DPYD: variants seen among roughly 807,000 people sequenced by gnomAD.
DPYD encodes dihydropyrimidine dehydrogenase, also known as dihydropyrimidine dehydrogenase [NADP(+)].
A neutral mutation model predicts 116.2 loss-of-function variants in DPYD; 109 were observed. That is an observed-to-expected ratio of 0.94 (90% CI 0.80 to 1.10). DPYD has a LOEUF of 1.10. Ranked by LOEUF, DPYD falls within the 50% of genes least tolerant of loss-of-function variation. DPYD has a pLI of 0.00. For missense variants in DPYD, 1,302 were observed against 1,254.5 expected (o/e 1.04, Z -0.57); for synonymous variants, 440 against 432.0 (o/e 1.02, Z -0.23).
chr1:97,691,195 A>G (rs1160002471), intron 7 of DPYD: 3 of 153,084 alleles, frequency 2.0e-5, no homozygotes, highest in Non-Finnish European at 4.4e-5. Flanking sequence ...CTCGAAAAGA[A>G]TAACACAATA....
At chr1:97,336,995 A>T (rs1351172842) in intron 16 of DPYD, among the ~76,000 whole-genome samples, 4 of 152,152 alleles carry the variant, frequency 2.6e-5, no homozygotes, top group African/African-American at 4.8e-5. Context: ...GTGACTGGTG[A>T]CACTTCTGAT....
chr1:97,096,799 G>A lies in DPYD; in HGVS notation c.2766+1690C>T, dbSNP rs539258337. Among the ~76,000 whole-genome samples the A allele has an allele frequency of 2.0e-5, 3 of 152,236 alleles. No individual in the cohort carries two copies. The East Asian group carries it at 5.8e-4, about 29-fold the overall frequency. ...AAGCTGGCCACCCCAACCAGCAGTG[G>A]CAACCTGCTGGGGTCCCTTTCCATG... is the stretch of plus-strand genomic sequence containing the variant. On this transcript the variant is annotated intron_variant, in intron 21 of 22. Transcript: ENST00000370192.
intron 18 of DPYD, among the ~76,000 whole-genome samples, chr1:97,302,233 G>A (rs1011862016): frequency 1.3e-5 from 2 of 151,954 alleles, no homozygotes; most frequent in East Asian, 3.9e-4. Flanking sequence ...AGAATCAATG[G>A]TTTAGACAGA....
At chr1:97,212,223 C>A (rs1028304959) in intron 19 of DPYD, among the ~76,000 whole-genome samples, 2 of 152,126 alleles carry the variant, frequency 1.3e-5, no homozygotes, top group African/African-American at 4.8e-5. Flanking sequence ...AGCCACTGTT[C>A]ACCACCTCCC....
chr1:97,700,006 T>C (rs1216572116), intron 5 of DPYD, among the ~76,000 whole-genome samples: 1 of 152,084 alleles, frequency 6.6e-6, no homozygotes, highest in African/African-American at 2.4e-5. Flanking sequence ...ATAAATAATT[T>C]CTTGAATTCT....
At chr1:97,574,045 T>G (rs1653098772) in intron 10 of DPYD, 75 bp from the exon 11 acceptor site, 1 of 1,570,926 alleles carries the variant, frequency 6.4e-7, no homozygotes, top group South Asian at 1.2e-5. Flanking sequence ...CTAATTGAAT[T>G]ACACATGCTA....
chr1:97,222,950 A>T (rs1660871492), intron 19 of DPYD, among the ~76,000 whole-genome samples: 1 of 152,070 alleles, frequency 6.6e-6, no homozygotes, highest in Admixed American at 6.6e-5. Context: ...GAAGTTATTG[A>T]ATAAATATTT....
intron 20 of DPYD, among the ~76,000 whole-genome samples, chr1:97,126,613 C>T (rs891387195): frequency 1.5e-4 from 23 of 152,264 alleles, no homozygotes; most frequent in African/African-American, 5.5e-4. Flanking sequence ...TCACTTCTAT[C>T]ACATCTGAGA....
chr1:97,244,997 T>C (rs551482429), intron 18 of DPYD, among the ~76,000 whole-genome samples: 61 of 152,236 alleles, frequency 4.0e-4, no homozygotes, highest in Middle Eastern at 3.4e-3. Context: ...ATTTTTAAGC[T>C]GGTGTCCACT....
intron 13 of DPYD, among the ~76,000 whole-genome samples, chr1:97,463,094 T>C (rs1286520197): frequency 6.6e-6 from 1 of 152,206 alleles, no homozygotes; most frequent in Non-Finnish European, 1.5e-5. Context: ...ACCAAACCAA[T>C]GTATATCTTG....
At chr1:97,565,179 C>A (rs1415577319) in intron 11 of DPYD, among the ~76,000 whole-genome samples, 1 of 152,038 alleles carries the variant, frequency 6.6e-6, no homozygotes, top group East Asian at 1.9e-4. Flanking sequence ...GAATAACCAC[C>A]TAATTCAGGT....
intron 15 of DPYD, among the ~76,000 whole-genome samples, chr1:97,381,592 T>C (rs943683365): frequency 6.6e-6 from 1 of 152,196 alleles, no homozygotes; most frequent in African/African-American, 2.4e-5. Flanking sequence ...TTTTAAAATA[T>C]CCAAATAAAA....
chr1:97,528,223 T>C (rs550247903), intron 12 of DPYD, among the ~76,000 whole-genome samples: 1 of 152,282 alleles, frequency 6.6e-6, no homozygotes, highest in Admixed American at 6.5e-5. Flanking sequence ...GTGATTACAA[T>C]TATAATATAA....
chr1:97,218,230 G>A (rs1311635798), intron 19 of DPYD, among the ~76,000 whole-genome samples: 1 of 152,034 alleles, frequency 6.6e-6, no homozygotes, highest in Non-Finnish European at 1.5e-5. Flanking sequence ...AAAGTCCAGA[G>A]TTCACTATGA....
chr1:97,603,014 C>A (rs114604607), intron 8 of DPYD, among the ~76,000 whole-genome samples: 5 of 151,884 alleles, frequency 3.3e-5, no homozygotes, highest in Non-Finnish European at 5.9e-5. Context: ...GTCTCTTGAG[C>A]CTTTTCTCTT....
chr1:97,828,292 T>G, intron 2 of DPYD, 96 bp from the exon 3 acceptor site: 1 of 1,139,726 alleles, frequency 8.8e-7, no homozygotes, highest in Non-Finnish European at 1.3e-6. Flanking sequence ...ATATTGATCA[T>G]GGACTCATGA....
chr1:97,902,354 T>C (rs1238835548), intron 1 of DPYD, among the ~76,000 whole-genome samples: 1 of 151,818 alleles, frequency 6.6e-6, no homozygotes, highest in African/African-American at 2.4e-5. Context: ...CCTACGAGCC[T>C]ACTTCTGATA....
At chr1:97,134,272 C>T (rs370046535) in intron 20 of DPYD, among the ~76,000 whole-genome samples, 89 of 151,452 alleles carry the variant, frequency 5.9e-4, no homozygotes, top group African/African-American at 1.6e-3. Context: ...ATTTCCATAG[C>T]GAAAATAACC....
At chr1:97,170,679 C>CT (rs571244785) in intron 20 of DPYD, among the ~76,000 whole-genome samples, 1,886 of 143,428 alleles carry the variant, frequency 0.013, 15 homozygotes, top group East Asian at 0.029. Flanking sequence ...CTTTCCATTT[C>CT]TTTTTTTTTT....
Sources: allele counts gnomAD v4.1 joint callset (sites outside exome capture counted in the v4.1 genomes callset), GRCh38; gene constraint gnomAD v4.1.1; transcripts MANE v1.5; gene names NCBI Gene and HGNC (gene_info 2026-07-23, HGNC 2026-07-21).